BTNL8: variants seen among roughly 807,000 people sequenced by gnomAD.
The protein encoded by BTNL8 is butyrophilin like 8.
In BTNL8, 22 loss-of-function variants were observed where a neutral mutation model predicts 36.1. That is an observed-to-expected ratio of 0.61 (90% CI 0.44 to 0.87). BTNL8 has a LOEUF of 0.87. Among genes scored for constraint, BTNL8 ranks in the 40% least tolerant of loss-of-function variants. The pLI is 0.00. For synonymous variants in BTNL8, 203 were observed against 235.6 expected (o/e 0.86, Z 1.27); for missense variants, 526 against 616.9 (o/e 0.85, Z 1.56).
intron 3 of BTNL8, among the ~76,000 whole-genome samples, chr5:180,923,434 C>T (rs567872752): frequency 6.6e-6 from 1 of 152,158 alleles, no homozygotes; most frequent in Non-Finnish European, 1.5e-5. Context: ...TAAGTTTCAA[C>T]ATCTAACTAT....
chr5:180,912,368 C>T (rs1410753590), intron 3 of BTNL8, among the ~76,000 whole-genome samples: 1 of 152,074 alleles, frequency 6.6e-6, no homozygotes, highest in African/African-American at 2.4e-5. Context: ...TCTGTCTCTC[C>T]TCTTCCTTTC....
Position 180,950,890 on chromosome 5 carries a change from T to C in BTNL8, c.*346T>C, listed in dbSNP as rs1484739415. 3 of 273,404 alleles carry C rather than the reference T, an allele frequency of 1.1e-5. 1 individual carries two copies. The highest frequency in any genetic ancestry group is 2.2e-5 in the Non-Finnish European group (3 of 136,960). 16.9% of individuals were successfully genotyped at this position (273,404 alleles called of 1,614,324 possible). A position where few individuals can be genotyped will look rare whatever the true frequency, so the allele number is the denominator to read the frequency against. ...GTGTATCCTAATGGTTTGTTCATTATATTACACTTTCAGTAAGGTCTTTGC... is the reference window on the plus strand; with the variant it reads ...GTGTATCCTAATGGTTTGTTCATTACATTACACTTTCAGTAAGGTCTTTGC... On this transcript the variant is annotated 3_prime_UTR_variant, in exon 8 of 8. Coordinates refer to ENST00000340184, the MANE Select transcript of BTNL8 (RefSeq NM_001040462.3).
At chr5:180,901,449 AAGAGTGATTTACACC>A in intron 1 of BTNL8, among the ~76,000 whole-genome samples, 1 of 152,324 alleles carries the variant, frequency 6.6e-6, no homozygotes, top group Non-Finnish European at 1.5e-5. Context: ...ACAGGGTAGT[AAGAGTGATTTACACC>A]AGGAAAATTA....
intron 1 of BTNL8, among the ~76,000 whole-genome samples, chr5:180,907,975 T>G (rs1056231758): frequency 1.1e-4 from 17 of 152,282 alleles, no homozygotes; most frequent in African/African-American, 2.6e-4. Flanking sequence ...TCTTTTTGTG[T>G]GTCTGTGCCC....
At chr5:180,920,726 A>G (rs1757826306) in intron 3 of BTNL8, among the ~76,000 whole-genome samples, 1 of 152,108 alleles carries the variant, frequency 6.6e-6, no homozygotes, top group Non-Finnish European at 1.5e-5. Context: ...TATGTAAGAC[A>G]CTCATACAAC....
intron 1 of BTNL8, among the ~76,000 whole-genome samples, chr5:180,907,630 T>G (rs1177457855): frequency 6.6e-6 from 1 of 150,756 alleles, no homozygotes; most frequent in Non-Finnish European, 1.5e-5. Flanking sequence ...TTTTCTGTTC[T>G]GTTTTTTCCC....
At chr5:180,899,400 T>A in intron 1 of BTNL8, 41 bp downstream of exon 1, 1 of 1,583,294 alleles carries the variant, frequency 6.3e-7, no homozygotes, top group Non-Finnish European at 8.7e-7. Flanking sequence ...ACTAACAGTT[T>A]GAGTTCTTTA....
chr5:180,923,184 G>A (rs1292450356), intron 3 of BTNL8, among the ~76,000 whole-genome samples: 1 of 151,884 alleles, frequency 6.6e-6, no homozygotes, highest in South Asian at 2.1e-4. Context: ...AGCCAATAAG[G>A]CAGTTTAAAA....
chr5:180,925,589 T>C (rs1305307661), intron 3 of BTNL8, among the ~76,000 whole-genome samples: 1 of 152,164 alleles, frequency 6.6e-6, no homozygotes, highest in Non-Finnish European at 1.5e-5. Context: ...ATAAAATCTT[T>C]CCCAGACAAA....
At chr5:180,941,110 G>A (rs146299796) in intron 3 of BTNL8, among the ~76,000 whole-genome samples, 3,941 of 126,426 alleles carry the variant, frequency 0.031, 174 homozygotes, top group African/African-American at 0.098. Context: ...GGAAGGAAGG[G>A]AGGAAGGAAG....
chr5:180,914,653 A>C (rs546691430), intron 3 of BTNL8, among the ~76,000 whole-genome samples: 3 of 152,372 alleles, frequency 2.0e-5, no homozygotes, highest in African/African-American at 7.2e-5. Flanking sequence ...AACTATACAT[A>C]CAAACTATCA....
At chr5:180,927,146 G>A (rs1561938547) in intron 3 of BTNL8, among the ~76,000 whole-genome samples, 1 of 152,196 alleles carries the variant, frequency 6.6e-6, no homozygotes, top group Non-Finnish European at 1.5e-5. Flanking sequence ...AATCTCTGCT[G>A]TTCTGCACCC....
chr5:180,935,554 G>A lies in BTNL8; in HGVS notation c.674-11958G>A, dbSNP rs889448706. 1.3e-5 allele frequency among the ~76,000 whole-genome samples: 2 copies of A among 152,244 alleles called. No individual in the cohort carries two copies. Among genetic ancestry groups the A allele is most frequent in the Admixed American group, 6.5e-5 (1 of 15,290 alleles). On this transcript the variant is annotated intron_variant, in intron 3 of 7. Coordinates refer to ENST00000340184, the MANE Select transcript of BTNL8 (RefSeq NM_001040462.3). This position sits in a 1 kb window ranked among gnomAD's most constrained non-coding sequence, Gnocchi z 4.8. Reference sequence around the variant, plus strand: ...GAGTGGACACCAGGAGCAGGGAGAGGGTAGGAAGCAGAAGCAGGCACTTCT... The same window carrying A: ...GAGTGGACACCAGGAGCAGGGAGAGAGTAGGAAGCAGAAGCAGGCACTTCT...
chr5:180,942,245 G>T (rs1040998947), intron 3 of BTNL8, among the ~76,000 whole-genome samples: 1 of 152,120 alleles, frequency 6.6e-6, no homozygotes, highest in Non-Finnish European at 1.5e-5. Context: ...AGGAGGTGAA[G>T]ATCTATACAA....
chr5:180,915,825 A>G (rs932684667), intron 3 of BTNL8, among the ~76,000 whole-genome samples: 2 of 152,244 alleles, frequency 1.3e-5, no homozygotes, highest in Admixed American at 1.3e-4. Context: ...GCATTTGACA[A>G]CATTCAACAC....
intron 3 of BTNL8, among the ~76,000 whole-genome samples, chr5:180,930,548 T>G (rs1758323631): frequency 6.6e-6 from 1 of 152,254 alleles, no homozygotes; most frequent in South Asian, 2.1e-4. Context: ...TAGGATTGCA[T>G]GTTTAGAAAA....
intron 3 of BTNL8, among the ~76,000 whole-genome samples, chr5:180,940,693 G>T (rs1037695282): frequency 2.0e-5 from 3 of 152,000 alleles, no homozygotes; most frequent in African/African-American, 7.2e-5. Context: ...TCCAAATAAA[G>T]AAAATCAGAA....
rs1430143725 is a variant in BTNL8 at position 180,949,890 on chromosome 5, C to T, written c.863-14C>T. ...CAGTAACTCATGCTTCCTCTCTCCC[C>T]CACCGCACCCCAGTGGAGGTGACTC... On this transcript the variant is annotated splice_polypyrimidine_tract_variant and intron_variant, in intron 7 of 7. Transcript: ENST00000340184. 1 of 1,446,282 alleles carries T rather than the reference C, an allele frequency of 6.9e-7. No homozygotes were observed. Among genetic ancestry groups the T allele is most frequent in the Admixed American group, 1.9e-5 (1 of 52,260 alleles). The allele number at this position is 1,446,282 out of a possible 1,614,324, so 89.6% of individuals were successfully genotyped here.
At chr5:180,908,556 A>G in intron 1 of BTNL8, 30 bp from the exon 2 acceptor site, 1 of 1,605,236 alleles carries the variant, frequency 6.2e-7, no homozygotes, top group Non-Finnish European at 8.5e-7. Flanking sequence ...AAGGGTTTTG[A>G]TGATTTATCT....
Sources: allele counts gnomAD v4.1 joint callset (sites outside exome capture counted in the v4.1 genomes callset), GRCh38; gene constraint gnomAD v4.1.1; non-coding constraint Gnocchi (gnomAD v3.1); transcripts MANE v1.5; gene names NCBI Gene and HGNC (gene_info 2026-07-23, HGNC 2026-07-21).